Variants in BCAS3 observed in about 807,000 individuals in gnomAD.
The protein encoded by BCAS3 is BCAS3 microtubule associated cell migration factor, also known as BCAS4/BCAS3 fusion.
A neutral mutation model predicts 116.1 loss-of-function variants in BCAS3; 53 were observed. The observed-to-expected ratio is 0.46, with a 90% CI of 0.37 to 0.57. The LOEUF (loss-of-function observed/expected upper bound fraction) is 0.57. BCAS3 is among the 20% of genes least tolerant of loss of function. The probability of loss-of-function intolerance (pLI) is 0.00; values close to 1 mark genes in which losing one functional copy is unlikely to be tolerated. For synonymous variants in BCAS3, 391 were observed against 408.2 expected, an observed-to-expected ratio of 0.96 and a Z score of 0.51; for missense variants, 917 against 1,165.4, an observed-to-expected ratio of 0.79 and a Z score of 3.10.
chr17:61,369,446 G>A (rs1157925475), intron 23 of BCAS3, among the ~76,000 whole-genome samples: 1 of 152,178 alleles, frequency 6.6e-6, no homozygotes, highest in Admixed American at 6.5e-5. Flanking sequence ...CAACAATGGG[G>A]CAGGCGCTGA....
chr17:60,920,979 G>C (rs1472587927), intron 12 of BCAS3, among the ~76,000 whole-genome samples: 1 of 152,172 alleles, frequency 6.6e-6, no homozygotes, highest in Non-Finnish European at 1.5e-5. Flanking sequence ...GTGGGCATCT[G>C]AATTAGTTCA....
At chr17:60,703,441 G>A (rs2036684299) in intron 4 of BCAS3, among the ~76,000 whole-genome samples, 1 of 151,412 alleles carries the variant, frequency 6.6e-6, no homozygotes, top group Non-Finnish European at 1.5e-5. Flanking sequence ...TTAGCTGAAT[G>A]TGGTGGCGTA....
chr17:60,687,468 G>A (rs908122564), intron 3 of BCAS3, among the ~76,000 whole-genome samples: 2 of 152,140 alleles, frequency 1.3e-5, no homozygotes, highest in African/African-American at 2.4e-5. Flanking sequence ...GCTGGGTGTG[G>A]TGGTGCACAC....
intron 15 of BCAS3, among the ~76,000 whole-genome samples, chr17:60,996,747 AAAG>A (rs2063863237): frequency 6.6e-6 from 1 of 152,168 alleles, no homozygotes; most frequent in Non-Finnish European, 1.5e-5. Flanking sequence ...TGAGTATAAA[AAAG>A]AGATGTCCCA....
rs190864068 is a variant in BCAS3 at position 61,388,039 on chromosome 17, A to G, written c.2594-3938A>G. 1.9e-3 allele frequency among the ~76,000 whole-genome samples: 288 copies of G among 152,132 alleles called. 1 individual carries two copies. Among genetic ancestry groups the G allele is most frequent in the African/African-American group, 6.7e-3 (279 of 41,494 alleles). ...TCTAAGGGGGGAGGTGGCTGGGGAC[A>G]CTTCCCTCATTTCCTGCCACAGAGC... On this transcript the variant is annotated intron_variant, in intron 23 of 23. Coordinates refer to ENST00000407086, the MANE Select transcript of BCAS3 (RefSeq NM_017679.5). This position sits in a 1 kb window ranked among gnomAD's most constrained non-coding sequence, Gnocchi z 6.5.
intron 12 of BCAS3, among the ~76,000 whole-genome samples, chr17:60,913,473 T>C (rs1273786391): frequency 6.6e-6 from 1 of 152,104 alleles, no homozygotes; most frequent in Non-Finnish European, 1.5e-5. Flanking sequence ...CATGAATCTG[T>C]TTTTTGTCAA....
chr17:60,795,610 A>G (rs576423630), intron 6 of BCAS3, among the ~76,000 whole-genome samples: 22 of 152,186 alleles, frequency 1.4e-4, no homozygotes, highest in Non-Finnish European at 3.1e-4. Flanking sequence ...GATTTTGCCA[A>G]GAGTTCTAAT....
At chr17:60,986,557 T>C (rs1369437835) in intron 14 of BCAS3, among the ~76,000 whole-genome samples, 2 of 152,218 alleles carry the variant, frequency 1.3e-5, no homozygotes, top group Non-Finnish European at 2.9e-5. Context: ...GGAGATGATA[T>C]CTCATTGTAG....
chr17:61,158,614 C>A (rs1425810451), intron 22 of BCAS3, among the ~76,000 whole-genome samples: 1 of 152,088 alleles, frequency 6.6e-6, no homozygotes, highest in Non-Finnish European at 1.5e-5. Flanking sequence ...AATTTCAACA[C>A]CTATGCCTTA....
chr17:61,382,359 C>A (rs1431804440), intron 23 of BCAS3, among the ~76,000 whole-genome samples: 1 of 151,080 alleles, frequency 6.6e-6, no homozygotes, highest in East Asian at 2.0e-4. Context: ...CTCCCAGGTT[C>A]AAGGGATTCT....
Position 61,070,101 on chromosome 17 carries a change from C to G in BCAS3, c.2030-4819C>G, listed in dbSNP as rs771550012. ...ACAAGCTTGACCACTATGCTATCAT[C>G]AAGTTTCCGCTGACCACTGAGTCTG... On this transcript the variant is annotated intron_variant, in intron 19 of 23. Transcript: ENST00000407086. The G allele has an allele frequency of 1.4e-5, 22 of 1,572,754 alleles. No individual in the cohort carries two copies. The East Asian group carries it at 2.5e-4, about 18-fold the overall frequency.
At chr17:61,330,990 C>T (rs1376875412) in intron 22 of BCAS3, among the ~76,000 whole-genome samples, 1 of 152,218 alleles carries the variant, frequency 6.6e-6, no homozygotes, top group Non-Finnish European at 1.5e-5. Flanking sequence ...GGTGAGTGTG[C>T]ACTAGCACAG....
At chr17:60,982,007 TTA>T (rs2145402827) in intron 14 of BCAS3, among the ~76,000 whole-genome samples, 1 of 152,310 alleles carries the variant, frequency 6.6e-6, no homozygotes, top group African/African-American at 2.4e-5. Flanking sequence ...TGAAAAGAAA[TTA>T]TATGTGTATG....
At chr17:60,771,342 A>G (rs139233829) in intron 6 of BCAS3, among the ~76,000 whole-genome samples, 79 of 152,244 alleles carry the variant, frequency 5.2e-4, no homozygotes, top group African/African-American at 1.9e-3. Flanking sequence ...AATTGCCGGT[A>G]TGGAGACCAA....
At chr17:60,854,538 A>G (rs1410266889) in intron 7 of BCAS3, among the ~76,000 whole-genome samples, 3 of 152,234 alleles carry the variant, frequency 2.0e-5, no homozygotes, top group South Asian at 2.1e-4. Context: ...GGCGAAGGAT[A>G]TGAACAGACA....
chr17:60,727,685 A>G (rs1389345509), intron 5 of BCAS3, among the ~76,000 whole-genome samples: 1 of 152,106 alleles, frequency 6.6e-6, no homozygotes, highest in Non-Finnish European at 1.5e-5. Flanking sequence ...AACCTCCCCA[A>G]CTGTCAACAC....
intron 19 of BCAS3, chr17:61,070,376 T>G: frequency 7.6e-6 from 1 of 131,504 alleles, no homozygotes; most frequent in Non-Finnish European, 1.4e-5. Flanking sequence ...AATATATATA[T>G]ATATATATAT....
rs947156089 is a variant in BCAS3 at position 61,012,258 on chromosome 17, G to A, written c.1487-3493G>A. Among the ~76,000 whole-genome samples, 1 of 151,980 alleles carries A rather than the reference G, an allele frequency of 6.6e-6. No homozygotes were observed. Among genetic ancestry groups the A allele is most frequent in the Non-Finnish European group, 1.5e-5 (1 of 67,952 alleles). ...CTAGAACAGGGCCTGATACCAATAAGCCTCCAAAAGTGTGAAGTGACAGAG... is the reference window on the plus strand; with the variant it reads ...CTAGAACAGGGCCTGATACCAATAAACCTCCAAAAGTGTGAAGTGACAGAG... On this transcript the variant is annotated intron_variant, in intron 15 of 23. Coordinates refer to ENST00000407086, the MANE Select transcript of BCAS3 (RefSeq NM_017679.5). The surrounding 1 kb of genome is among the most constrained non-coding windows in gnomAD (Gnocchi z 4.5).
At chr17:61,093,203 C>T (rs997580089) in intron 22 of BCAS3, among the ~76,000 whole-genome samples, 2 of 152,132 alleles carry the variant, frequency 1.3e-5, no homozygotes, top group African/African-American at 4.8e-5. Flanking sequence ...CCACCATGCC[C>T]AGCCCCTCCA....
Sources: allele counts gnomAD v4.1 joint callset (sites outside exome capture counted in the v4.1 genomes callset), GRCh38; gene constraint gnomAD v4.1.1; non-coding constraint Gnocchi (gnomAD v3.1); transcripts MANE v1.5; gene names NCBI Gene and HGNC (gene_info 2026-07-23, HGNC 2026-07-21).